The following CNTNAP2 variants were observed in gnomAD, a reference collection of about 807,000 sequenced individuals.
CNTNAP2 encodes contactin associated protein 2, also known as contactin-associated protein-like 2.
CNTNAP2 carries 98 observed loss-of-function variants against 155.2 expected under a neutral mutation model. The ratio of observed to expected loss-of-function variants is 0.63; its 90% CI spans 0.54 to 0.75. CNTNAP2 has a LOEUF of 0.75. CNTNAP2 is among the 30% of genes least tolerant of loss of function. The pLI, the probability that CNTNAP2 is intolerant of heterozygous loss-of-function variation, is 0.00. For missense variants in CNTNAP2, 1,727 were observed against 1,688.1 expected (o/e 1.02, Z -0.40); for synonymous variants, 651 against 631.2 (o/e 1.03, Z -0.47).
intron 1 of CNTNAP2, among the ~76,000 whole-genome samples, chr7:146,727,104 A>C (rs2129178647): frequency 6.6e-6 from 1 of 152,282 alleles, no homozygotes; most frequent in South Asian, 2.1e-4. Context: ...AGGAGCATTT[A>C]CTATAGGAAA....
intron 20 of CNTNAP2, among the ~76,000 whole-genome samples, chr7:148,241,653 G>A (rs1563008137): frequency 6.6e-6 from 1 of 152,178 alleles, no homozygotes; most frequent in Non-Finnish European, 1.5e-5. Flanking sequence ...GATCACATTA[G>A]CTTATTTATT....
intron 1 of CNTNAP2, among the ~76,000 whole-genome samples, chr7:146,155,505 T>G (rs1798111358): frequency 1.3e-5 from 2 of 152,062 alleles, no homozygotes; most frequent in Admixed American, 1.3e-4. Flanking sequence ...TGATAAAAAC[T>G]GAACTGAATT....
chr7:147,344,052 G>C (rs375789827), intron 9 of CNTNAP2, among the ~76,000 whole-genome samples: 3 of 152,098 alleles, frequency 2.0e-5, no homozygotes, highest in African/African-American at 7.2e-5. Flanking sequence ...GATTTGCTGA[G>C]GCTAAGGGAG....
intron 12 of CNTNAP2, among the ~76,000 whole-genome samples, chr7:147,588,241 G>A (rs1800670844): frequency 6.6e-6 from 1 of 152,086 alleles, no homozygotes; most frequent in African/African-American, 2.4e-5. Flanking sequence ...AACAGAGAAA[G>A]AGGTGCTGGA....
chr7:147,551,742 A>G (rs1367044968), intron 11 of CNTNAP2, among the ~76,000 whole-genome samples: 1 of 152,116 alleles, frequency 6.6e-6, no homozygotes, highest in African/African-American at 2.4e-5. Flanking sequence ...TTTCGGTTTG[A>G]AAAAAGACTC....
chr7:147,159,055 T>A (rs1466332991), intron 8 of CNTNAP2, among the ~76,000 whole-genome samples: 1 of 152,076 alleles, frequency 6.6e-6, no homozygotes, highest in Non-Finnish European at 1.5e-5. Context: ...GTTCTTGATT[T>A]GGGCAAGAGG....
intron 21 of CNTNAP2, among the ~76,000 whole-genome samples, chr7:148,351,436 T>G (rs543057864): frequency 1.1e-4 from 17 of 152,100 alleles, no homozygotes; most frequent in African/African-American, 3.9e-4. Flanking sequence ...TTTAGTACCC[T>G]GTTGGCTGCT....
At chr7:146,977,226 A>C (rs1797930067) in intron 3 of CNTNAP2, among the ~76,000 whole-genome samples, 1 of 152,218 alleles carries the variant, frequency 6.6e-6, no homozygotes, top group Non-Finnish European at 1.5e-5. Context: ...GTGAAGAATA[A>C]TACTTCAATC....
intron 21 of CNTNAP2, among the ~76,000 whole-genome samples, chr7:148,319,210 A>G (rs73745566): frequency 0.016 from 2,451 of 152,160 alleles, 57 homozygotes; most frequent in African/African-American, 0.056. Flanking sequence ...TGGAAAATAC[A>G]CTCTGTAATT....
chr7:146,512,720 C>T (rs1797485446), intron 1 of CNTNAP2, among the ~76,000 whole-genome samples: 1 of 151,876 alleles, frequency 6.6e-6, no homozygotes, highest in South Asian at 2.1e-4. Context: ...ATTATCTACC[C>T]TACAAAGTAT....
chr7:147,242,871 A>T lies in CNTNAP2; in HGVS notation c.1349-57270A>T, dbSNP rs182280451. Among the ~76,000 whole-genome samples, 408 of 151,362 alleles carry T rather than the reference A, an allele frequency of 2.7e-3. 1 individual carries two copies. The highest frequency in any genetic ancestry group is 9.3e-3 in the African/African-American group (382 of 41,172). On this transcript the variant is annotated intron_variant, in intron 8 of 23. Coordinates refer to ENST00000361727, the MANE Select transcript of CNTNAP2 (RefSeq NM_014141.6). Reference sequence around the variant, plus strand: ...TTTTAAAATCACTTATGAGACACTGACTTTGATCAACCCATTGATCTTTTT... The same window carrying T: ...TTTTAAAATCACTTATGAGACACTGTCTTTGATCAACCCATTGATCTTTTT...
intron 1 of CNTNAP2, among the ~76,000 whole-genome samples, chr7:146,129,718 G>A (rs142743649): frequency 0.021 from 3,129 of 152,212 alleles, 53 homozygotes; most frequent in Non-Finnish European, 0.032. Context: ...CTTCTATGAA[G>A]TCACATATCC....
At chr7:146,198,511 G>A (rs1562986870) in intron 1 of CNTNAP2, among the ~76,000 whole-genome samples, 1 of 152,170 alleles carries the variant, frequency 6.6e-6, no homozygotes, top group Non-Finnish European at 1.5e-5. Context: ...TGTTGCTAGT[G>A]AAATGGCAGT....
At chr7:148,176,134 G>A (rs534218841) in intron 18 of CNTNAP2, among the ~76,000 whole-genome samples, 12 of 150,574 alleles carry the variant, frequency 8.0e-5, no homozygotes, top group East Asian at 3.9e-4. Flanking sequence ...TCACTATTCC[G>A]CACTAGTCAA....
chr7:147,516,662 A>G (rs1799133680), intron 11 of CNTNAP2, among the ~76,000 whole-genome samples: 1 of 149,928 alleles, frequency 6.7e-6, no homozygotes, highest in African/African-American at 2.5e-5. Context: ...GATTAGCTCT[A>G]GTTTTTAACA....
chr7:148,259,669 ACT>A, intron 20 of CNTNAP2, among the ~76,000 whole-genome samples: 1 of 152,276 alleles, frequency 6.6e-6, no homozygotes, highest in East Asian at 1.9e-4. Context: ...TAGCTTCTCC[ACT>A]GCATCCCCAA....
At chr7:147,997,488 G>A (rs953077020) in intron 15 of CNTNAP2, among the ~76,000 whole-genome samples, 2 of 151,876 alleles carry the variant, frequency 1.3e-5, no homozygotes, top group East Asian at 1.9e-4. Flanking sequence ...ACCGGGAGGC[G>A]GAGGTTGTGG....
chr7:146,658,513 A>G (rs1260641314), intron 1 of CNTNAP2, among the ~76,000 whole-genome samples: 2 of 152,184 alleles, frequency 1.3e-5, no homozygotes, highest in African/African-American at 2.4e-5. Context: ...TTCTGCATGG[A>G]CATTTTAAAA....
chr7:147,941,380 G>A (rs1166680272), intron 14 of CNTNAP2, among the ~76,000 whole-genome samples: 3 of 152,136 alleles, frequency 2.0e-5, no homozygotes. Flanking sequence ...CTCATACTAG[G>A]ATTCCCAGTA....
Sources: gnomAD v4.1 joint callset for allele counts (sites outside exome capture counted in the v4.1 genomes callset) on GRCh38, gnomAD v4.1.1 for gene constraint, MANE v1.5 for transcripts, NCBI Gene and HGNC (gene_info 2026-07-23, HGNC 2026-07-21) for gene names.